Variants in GRID2IP observed in about 807,000 individuals in gnomAD.
GRID2IP encodes Grid2 interacting protein, also known as delphilin.
A neutral mutation model predicts 114.3 loss-of-function variants in GRID2IP; 78 were observed. That is an observed-to-expected ratio of 0.68 (90% CI 0.57 to 0.82). The LOEUF (loss-of-function observed/expected upper bound fraction) is 0.82. GRID2IP is among the 40% of genes least tolerant of loss of function. The probability of loss-of-function intolerance (pLI) is 0.00; values close to 1 mark genes in which losing one functional copy is unlikely to be tolerated. For synonymous variants in GRID2IP, 809 were observed against 724.0 expected, an observed-to-expected ratio of 1.12 and a Z score of -1.89; for missense variants, 1,727 against 1,678.5, an observed-to-expected ratio of 1.03 and a Z score of -0.51.
At chr7:6,497,931 C>A (rs531291757) in intron 21 of GRID2IP, 86 bp from the exon 22 acceptor site, 24 of 1,402,464 alleles carry the variant, frequency 1.7e-5, no homozygotes, top group African/African-American at 1.6e-4. Flanking sequence ...ACTAGACAGC[C>A]CATCAGGGGG....
chr7:6,539,391 C>T (rs913328971), intron 2 of GRID2IP, among the ~76,000 whole-genome samples: 16 of 152,026 alleles, frequency 1.1e-4, no homozygotes, highest in Admixed American at 2.0e-4. Context: ...CCTCCCAAAG[C>T]ACGTGGATTA....
intron 1 of GRID2IP, among the ~76,000 whole-genome samples, chr7:6,547,935 C>CA (rs764540191): frequency 2.0e-4 from 31 of 152,184 alleles, no homozygotes; most frequent in Non-Finnish European, 4.4e-4. Flanking sequence ...CCTGACCTCC[C>CA]AAACCCCATG....
At chr7:6,550,979 C>CCGG in intron 1 of GRID2IP, 29 bp downstream of exon 1, 1 of 1,151,966 alleles carries the variant, frequency 8.7e-7, no homozygotes, top group Non-Finnish European at 1.1e-6. Flanking sequence ...CCCTCCTTCC[C>CCGG]GCCCCCACCT....
intron 1 of GRID2IP, among the ~76,000 whole-genome samples, chr7:6,543,412 C>T (rs1779842433): frequency 6.6e-6 from 1 of 151,708 alleles, no homozygotes; most frequent in African/African-American, 2.4e-5. Flanking sequence ...AAAAAAAGCC[C>T]CCTTTGTAGT....
At chr7:6,512,232 T>C (rs1779186627) in intron 8 of GRID2IP, among the ~76,000 whole-genome samples, 2 of 54,522 alleles carry the variant, frequency 3.7e-5, no homozygotes, top group Admixed American at 1.8e-4. Context: ...TCTTTTCTTC[T>C]TTTTTTTTTT....
In GRID2IP at chr7:6,502,814, G is replaced by A. The variant is rs969577691; in HGVS notation, c.3122C>T (p.Thr1041Met). Residue 1041 changes from threonine to methionine, a missense_variant, in exon 18 of 22, where the codon ACG (threonine) becomes ATG (methionine). Coordinates refer to ENST00000457091, the MANE Select transcript of GRID2IP (RefSeq NM_001145118.2). The part of the protein sequence containing the change: ...NDGQPKTNKT[T>M]GFKINFLTEL... ...TGTCAGAAAGTTGATCTTGAAGCCCGTAGTCTTGTTGGTTTTGGGCTGTCC... is the reference window on the plus strand; with the variant it reads ...TGTCAGAAAGTTGATCTTGAAGCCCATAGTCTTGTTGGTTTTGGGCTGTCC... 3.2e-6 allele frequency: 5 copies of A among 1,551,698 alleles called. No individual in the cohort carries two copies. The highest frequency in any genetic ancestry group is 1.2e-5 in the South Asian group (1 of 84,058).
intron 7 of GRID2IP, among the ~76,000 whole-genome samples, chr7:6,517,452 C>T (rs760209067): frequency 6.6e-5 from 10 of 152,032 alleles, no homozygotes; most frequent in Admixed American, 2.0e-4. Context: ...AACTATAAGA[C>T]CAAAAATGTG....
At chr7:6,541,335 C>T (rs1779812997) in intron 1 of GRID2IP, among the ~76,000 whole-genome samples, 1 of 152,204 alleles carries the variant, frequency 6.6e-6, no homozygotes, top group South Asian at 2.1e-4. Context: ...CTTAAAACCA[C>T]ACCACACATT....
At chr7:6,550,979 C>CGT in intron 1 of GRID2IP, 29 bp downstream of exon 1, 3 of 1,151,958 alleles carry the variant, frequency 2.6e-6, no homozygotes, top group Non-Finnish European at 3.3e-6. Context: ...CCCTCCTTCC[C>CGT]GCCCCCACCT....
chr7:6,506,989 G>C lies in GRID2IP; in HGVS notation c.2544+996C>G, dbSNP rs902506566. Among the ~76,000 whole-genome samples the C allele has an allele frequency of 2.0e-5, 3 of 152,074 alleles. No individual in the cohort carries two copies. The highest frequency in any genetic ancestry group is 4.4e-5 in the Non-Finnish European group (3 of 68,020). ...TGAACCACCAAGCCTGGCCTCAATG[G>C]GCATCTTTATTAGCAACTTGGAAAG... On this transcript the variant is annotated intron_variant, in intron 13 of 21. Coordinates refer to ENST00000457091, the MANE Select transcript of GRID2IP (RefSeq NM_001145118.2). This position sits in a 1 kb window ranked among gnomAD's most constrained non-coding sequence, Gnocchi z 5.2.
chr7:6,525,360 G>A (rs571176921), intron 4 of GRID2IP, among the ~76,000 whole-genome samples: 2 of 152,156 alleles, frequency 1.3e-5, no homozygotes, highest in African/African-American at 4.8e-5. Flanking sequence ...GATGGCTCAC[G>A]CCTGTACTCC....
chr7:6,531,079 A>G, intron 2 of GRID2IP: 1 of 626,212 alleles, frequency 1.6e-6, no homozygotes, highest in South Asian at 1.7e-5. Flanking sequence ...GAAAGTGCCG[A>G]GAGAAGCCCT....
At position 6,509,420 on chromosome 7, in the gene GRID2IP, C is replaced by CT; in HGVS notation, c.1772-108dup. On this transcript the variant is annotated intron_variant, in intron 11 of 21. Transcript: ENST00000457091. This position sits in a 1 kb window ranked among gnomAD's most constrained non-coding sequence, Gnocchi z 4.9. ...CAGACTGGCTCTGTGTCCCAGGCCACTCTCCTTTCCCTCTCTGGGCACAGT... is the reference window on the plus strand; with the variant it reads ...CAGACTGGCTCTGTGTCCCAGGCCACTTCTCCTTTCCCTCTCTGGGCACAGT... 9.8e-7 allele frequency: 1 copy of CT among 1,016,444 alleles called. No homozygotes were observed. The highest frequency in any genetic ancestry group is 1.4e-6 in the Non-Finnish European group (1 of 732,366). 63.0% of individuals were successfully genotyped at this position (1,016,444 alleles called of 1,614,324 possible). A position where few individuals can be genotyped will look rare whatever the true frequency, so the allele number is the denominator to read the frequency against.
chr7:6,547,134 G>C (rs1278274673), intron 1 of GRID2IP, among the ~76,000 whole-genome samples: 1 of 152,160 alleles, frequency 6.6e-6, no homozygotes, highest in Non-Finnish European at 1.5e-5. Flanking sequence ...AGAGATGGAG[G>C]AGTCTGAAAT....
chr7:6,542,253 C>T (rs1358887305), intron 1 of GRID2IP, among the ~76,000 whole-genome samples: 2 of 136,196 alleles, frequency 1.5e-5, no homozygotes, highest in African/African-American at 5.5e-5. Context: ...TGCAGTGAGT[C>T]GAGATCTTGC....
intron 21 of GRID2IP, 99 bp from the exon 22 acceptor site, chr7:6,497,944 AG>A: frequency 7.1e-7 from 1 of 1,400,102 alleles, no homozygotes; most frequent in Non-Finnish European, 9.7e-7. Flanking sequence ...TCAGGGGGTT[AG>A]GGGGACATGT....
At chr7:6,514,694 G>A (rs951485859) in intron 7 of GRID2IP, among the ~76,000 whole-genome samples, 165 bp from the exon 8 acceptor site, 2 of 152,146 alleles carry the variant, frequency 1.3e-5, no homozygotes, top group Admixed American at 6.6e-5. Context: ...GCTCACGCCT[G>A]TAATCCCAGC....
intron 2 of GRID2IP, among the ~76,000 whole-genome samples, chr7:6,527,558 C>G (rs1779538883): frequency 6.6e-6 from 1 of 152,180 alleles, no homozygotes; most frequent in African/African-American, 2.4e-5. Context: ...TGGGTCTCCG[C>G]TGCAGGGCTA....
chr7:6,503,441 G>A (rs1786474900), intron 16 of GRID2IP, 50 bp downstream of exon 16: 1 of 1,446,290 alleles, frequency 6.9e-7, no homozygotes, highest in Non-Finnish European at 9.1e-7. Context: ...CACAGCGACA[G>A]CCCCTGTGGA....
Sources: gnomAD v4.1 joint callset for allele counts (sites outside exome capture counted in the v4.1 genomes callset) on GRCh38, gnomAD v4.1.1 for gene constraint, Gnocchi (gnomAD v3.1) non-coding constraint, MANE v1.5 for transcripts, NCBI Gene and HGNC (gene_info 2026-07-23, HGNC 2026-07-21) for gene names.